The following KIF20B variants were observed in gnomAD, a reference collection of about 807,000 sequenced individuals.
KIF20B encodes kinesin family member 20B.
Under a neutral mutation model 232.5 loss-of-function variants are expected in KIF20B, and 188 were observed. That is an observed-to-expected ratio of 0.81 (90% CI 0.72 to 0.91). The LOEUF (loss-of-function observed/expected upper bound fraction) is 0.91, where lower values mean the gene tolerates loss of function less well. Among genes scored for constraint, KIF20B ranks in the 40% least tolerant of loss-of-function variants. The pLI is 0.00. For synonymous variants in KIF20B, 712 were observed against 683.0 expected (o/e 1.04, Z -0.66); for missense variants, 2,154 against 2,055.9 (o/e 1.05, Z -0.92).
chr10:89,709,104 A>G, intron 2 of KIF20B, 63 bp from the exon 3 acceptor site: 1 of 1,171,540 alleles, frequency 8.5e-7, no homozygotes. Context: ...ATGTTAAGGA[A>G]AAATGGTCTC....
At chr10:89,751,310 C>G (rs746745427) in intron 23 of KIF20B, 36 bp from the exon 24 acceptor site, 26 of 1,526,502 alleles carry the variant, frequency 1.7e-5, no homozygotes, top group African/African-American at 4.2e-5. Context: ...TATCTAGAGG[C>G]TATTAATTTC....
intron 11 of KIF20B, among the ~76,000 whole-genome samples, chr10:89,718,383 C>A (rs35929113): frequency 0.31 from 46,937 of 151,850 alleles, 8,153 homozygotes; most frequent in African/African-American, 0.46. Flanking sequence ...TGGTGGCAGG[C>A]ACCTGTAATC....
chr10:89,732,381 C>T (rs1361947357), intron 18 of KIF20B, among the ~76,000 whole-genome samples: 1 of 152,010 alleles, frequency 6.6e-6, no homozygotes. Flanking sequence ...CCTCAGCCTC[C>T]CAAAGTGCTG....
At position 89,738,359 on chromosome 10, in the gene KIF20B, A is replaced by G. The variant is rs746239771; in HGVS notation, c.3518A>G (p.Gln1173Arg). 20 of 1,609,970 alleles carry G rather than the reference A, an allele frequency of 1.2e-5. No individual in the cohort carries two copies. The African/African-American group carries it at 2.7e-4, about 22-fold the overall frequency. ...GAACTTGAAACAATTTTAGAGACTC[A>G]GAAAGTTGAATGTAGTCATTCAGCC... ...IKELETILET[Q>R]KVECSHSAKL... Residue 1173 changes from glutamine to arginine, a missense_variant, in exon 20 of 33, where the codon CAG becomes CGG. Coordinates refer to ENST00000371728, the MANE Select transcript of KIF20B (RefSeq NM_001284259.2).
intron 1 of KIF20B, among the ~76,000 whole-genome samples, chr10:89,704,938 A>G (rs536111010): frequency 2.6e-5 from 4 of 152,360 alleles, no homozygotes; most frequent in South Asian, 2.1e-4. Flanking sequence ...TAGATGACAC[A>G]AGGTTATAAT....
At chr10:89,706,570 T>C (rs188894865) in intron 2 of KIF20B, among the ~76,000 whole-genome samples, 1 of 152,150 alleles carries the variant, frequency 6.6e-6, no homozygotes, top group African/African-American at 2.4e-5. Flanking sequence ...GAACAGTTTT[T>C]GTGTGCAGTT....
At chr10:89,746,167 C>T (rs752272896) in intron 23 of KIF20B, among the ~76,000 whole-genome samples, 1 of 152,198 alleles carries the variant, frequency 6.6e-6, no homozygotes, top group Admixed American at 6.5e-5. Context: ...CCCCAGTGGG[C>T]GTGTTCTACA....
At chr10:89,731,507 C>T (rs1843318116) in intron 18 of KIF20B, among the ~76,000 whole-genome samples, 1 of 152,192 alleles carries the variant, frequency 6.6e-6, no homozygotes, top group African/African-American at 2.4e-5. Flanking sequence ...CACTGTTCCA[C>T]ATCTTGTCTT....
At chr10:89,768,983 A>ATAT in intron 31 of KIF20B, 95 bp downstream of exon 31, 1 of 1,009,818 alleles carries the variant, frequency 9.9e-7, no homozygotes, top group Non-Finnish European at 1.4e-6. Flanking sequence ...TGTTCAGGGA[A>ATAT]TATTATACTT....
rs1435757950 is a variant in KIF20B at position 89,724,947 on chromosome 10, C to T, written c.1863-73C>T. On this transcript the variant is annotated intron_variant, in intron 14 of 32. Coordinates refer to ENST00000371728, the MANE Select transcript of KIF20B (RefSeq NM_001284259.2). Reference sequence around the variant, plus strand: ...TCTTTTAATCTAGAATATACTTAAACTTAGATGTTTAAAACAAAAACACAA... The same window carrying T: ...TCTTTTAATCTAGAATATACTTAAATTTAGATGTTTAAAACAAAAACACAA... 4.7e-5 allele frequency: 68 copies of T among 1,433,284 alleles called. 1 individual carries two copies. The South Asian group carries it at 7.7e-4, about 16-fold the overall frequency. The allele number at this position is 1,433,284 out of a possible 1,614,324, so 88.8% of individuals were successfully genotyped here.
intron 31 of KIF20B, among the ~76,000 whole-genome samples, chr10:89,771,074 CTT>C (rs1000713066): frequency 5.9e-5 from 9 of 151,896 alleles, no homozygotes; most frequent in African/African-American, 9.7e-5. Flanking sequence ...TTTTCCTGTG[CTT>C]TCTTTTATCT....
At position 89,709,472 on chromosome 10, in the gene KIF20B, AGT is replaced by A; in HGVS notation, c.351+14_351+15del. ...TTCAGTTTTTCCAAGGTAAAACTGA[AGT>A]GTTTTTGTTTTTTGTTTTAAAGATA... On this transcript the variant is annotated intron_variant, in intron 4 of 32. Coordinates refer to ENST00000371728, the MANE Select transcript of KIF20B (RefSeq NM_001284259.2). The A allele has an allele frequency of 6.4e-7, 1 of 1,564,946 alleles. No homozygotes were observed.
At chr10:89,757,705 G>A (rs1842157158) in intron 26 of KIF20B, among the ~76,000 whole-genome samples, 1 of 151,856 alleles carries the variant, frequency 6.6e-6, no homozygotes, top group Admixed American at 6.6e-5. Context: ...GTTTTAATGT[G>A]AATTACCAAT....
chr10:89,718,136 CTT>C (rs548588338), intron 11 of KIF20B, among the ~76,000 whole-genome samples: 41 of 152,268 alleles, frequency 2.7e-4, no homozygotes, highest in African/African-American at 8.4e-4. Context: ...CATGACATCT[CTT>C]ATATACTTGC....
At chr10:89,738,762 A>C in intron 20 of KIF20B, 145 bp downstream of exon 20, 2 of 1,186,890 alleles carry the variant, frequency 1.7e-6, no homozygotes, top group Non-Finnish European at 2.3e-6. Flanking sequence ...GTCCATATAA[A>C]CCTTTGGACC....
rs769075368 is a variant in KIF20B at position 89,743,824 on chromosome 10, A to G, written c.3932A>G (p.Asp1311Gly). ...ATTTTGTAGGTATCTGTAATGCGTG[A>G]TGAGGATAAATTACTGAGGATTAAA... ...QVQKEVSVMR[D>G]EDKLLRIKIN... Residue 1311 changes from aspartate (D) to glycine (G), a missense_variant, in exon 22 of 33, where the codon GAT (aspartate) becomes GGT (glycine). Coordinates refer to ENST00000371728, the MANE Select transcript of KIF20B (RefSeq NM_001284259.2). The G allele has an allele frequency of 2.0e-6, 3 of 1,498,952 alleles. No homozygotes were observed. Among genetic ancestry groups the G allele is most frequent in the Non-Finnish European group, 2.7e-6 (3 of 1,100,582 alleles). The allele number at this position is 1,498,952 out of a possible 1,614,324, so 92.9% of individuals were successfully genotyped here. A position where few individuals can be genotyped will look rare whatever the true frequency, so the allele number is the denominator to read the frequency against.
chr10:89,735,842 A>AG (rs1373747839), intron 19 of KIF20B, among the ~76,000 whole-genome samples: 1 of 152,160 alleles, frequency 6.6e-6, no homozygotes, highest in East Asian at 1.9e-4. Context: ...CCGGCCAGAA[A>AG]GTAGTAGGTT....
Position 89,718,883 on chromosome 10 carries a change from A to G in KIF20B, c.1434+11A>G. On this transcript the variant is annotated intron_variant, in intron 12 of 32. Coordinates refer to ENST00000371728, the MANE Select transcript of KIF20B (RefSeq NM_001284259.2). The stretch of plus-strand genomic sequence containing the variant: ...GCCATTGCACAAAAAGTAAATATTT[A>G]TTTTATTAAGCCTCTTATTATTAGA... 6.7e-7 allele frequency: 1 copy of G among 1,483,020 alleles called. No individual in the cohort carries two copies. The highest frequency in any genetic ancestry group is 9.1e-7 in the Non-Finnish European group (1 of 1,099,328). The allele number at this position is 1,483,020 out of a possible 1,614,324, so 91.9% of individuals were successfully genotyped here. A position where few individuals can be genotyped will look rare whatever the true frequency, so the allele number is the denominator to read the frequency against.
intron 26 of KIF20B, among the ~76,000 whole-genome samples, chr10:89,757,040 G>GTGTATATATATATATATATATATA (rs1301847520): frequency 6.3e-5 from 7 of 110,748 alleles, no homozygotes; most frequent in Non-Finnish European, 1.1e-4. Flanking sequence ...GTGTGTGTGT[G>GTGTATATATATATATATATATATA]TATATATATA....
Sources: gnomAD v4.1 joint callset for allele counts (sites outside exome capture counted in the v4.1 genomes callset) on GRCh38, gnomAD v4.1.1 for gene constraint, MANE v1.5 for transcripts, NCBI Gene and HGNC (gene_info 2026-07-23, HGNC 2026-07-21) for gene names.